Variants in CTNNA3 observed in about 807,000 individuals in gnomAD.
CTNNA3 encodes the protein catenin alpha-3.
A neutral mutation model predicts 95.7 loss-of-function variants in CTNNA3; 76 were observed. The observed-to-expected ratio is 0.79, with a 90% CI of 0.66 to 0.96. The LOEUF (loss-of-function observed/expected upper bound fraction) is 0.96, where lower values mean the gene tolerates loss of function less well. CTNNA3 is among the 40% of genes least tolerant of loss of function. The probability of loss-of-function intolerance (pLI) is 0.00; values close to 1 mark genes in which losing one functional copy is unlikely to be tolerated. For synonymous variants in CTNNA3, 431 were observed against 374.4 expected, an observed-to-expected ratio of 1.15 and a Z score of -1.74; for missense variants, 1,191 against 1,089.8, an observed-to-expected ratio of 1.09 and a Z score of -1.31.
chr10:66,903,702 G>T (rs947208984), intron 7 of CTNNA3, among the ~76,000 whole-genome samples: 5 of 152,076 alleles, frequency 3.3e-5, no homozygotes, highest in African/African-American at 1.2e-4. Flanking sequence ...AAATCAATGT[G>T]CAAAAATCAC....
chr10:66,968,926 A>G (rs1414422364), intron 7 of CTNNA3, among the ~76,000 whole-genome samples: 1 of 152,066 alleles, frequency 6.6e-6, no homozygotes, highest in African/African-American at 2.4e-5. Flanking sequence ...CTGAGGCAGG[A>G]GAATTGCTTG....
intron 13 of CTNNA3, among the ~76,000 whole-genome samples, chr10:66,278,118 G>A (rs1047537467): frequency 2.7e-5 from 4 of 149,586 alleles, no homozygotes; most frequent in Admixed American, 1.4e-4. Flanking sequence ...CATATACAGT[G>A]TAATAGGATT....
intron 7 of CTNNA3, among the ~76,000 whole-genome samples, chr10:66,921,652 G>T (rs1232118795): frequency 2.6e-5 from 4 of 152,102 alleles, no homozygotes; most frequent in Non-Finnish European, 5.9e-5. Flanking sequence ...TTCAAGGTTT[G>T]CTCAGGCCAG....
intron 9 of CTNNA3, among the ~76,000 whole-genome samples, chr10:66,744,467 A>T (rs2132707532): frequency 6.6e-6 from 1 of 152,266 alleles, no homozygotes; most frequent in Non-Finnish European, 1.5e-5. Flanking sequence ...TCAACTAGTT[A>T]ATGAGAGCAT....
chr10:66,185,543 C>G (rs1415207492), intron 13 of CTNNA3, among the ~76,000 whole-genome samples: 5 of 152,106 alleles, frequency 3.3e-5, no homozygotes, highest in African/African-American at 1.2e-4. Context: ...AGGAATCTGT[C>G]TGAAAATATC....
intron 5 of CTNNA3, among the ~76,000 whole-genome samples, chr10:67,429,716 T>C (rs1846044344): frequency 1.3e-5 from 2 of 152,128 alleles, no homozygotes; most frequent in Admixed American, 1.3e-4. Flanking sequence ...CGAGGCCTTT[T>C]TGATAAAGCA....
At chr10:66,289,253 A>G (rs1319140351) in intron 12 of CTNNA3, among the ~76,000 whole-genome samples, 1 of 151,318 alleles carries the variant, frequency 6.6e-6, no homozygotes, top group Non-Finnish European at 1.5e-5. Flanking sequence ...TTCCCATGGA[A>G]GCATAAGAGC....
At chr10:66,463,899 T>TA (rs2093546452) in intron 11 of CTNNA3, among the ~76,000 whole-genome samples, 1 of 151,802 alleles carries the variant, frequency 6.6e-6, no homozygotes, top group South Asian at 2.1e-4. Flanking sequence ...TTTTTTTTTT[T>TA]TTTACAAATA....
At position 67,584,777 on chromosome 10, in the gene CTNNA3, C is replaced by G. The variant is rs140968873; in HGVS notation, c.292+22080G>C. ...CAAGCCTCAGCAATGGCAGATGTCC[C>G]TCCCTGAGCCTCACTGTCACCTTGC... On this transcript the variant is annotated intron_variant, in intron 3 of 17. Coordinates refer to ENST00000433211, the MANE Select transcript of CTNNA3 (RefSeq NM_013266.4). Among the ~76,000 whole-genome samples the G allele has an allele frequency of 3.7e-3, 566 of 152,340 alleles. 2 individuals carry two copies. Among genetic ancestry groups the G allele is most frequent in the African/African-American group, 0.013 (545 of 41,582 alleles).
intron 11 of CTNNA3, among the ~76,000 whole-genome samples, chr10:66,472,802 A>G (rs1375373041): frequency 6.6e-6 from 1 of 152,018 alleles, no homozygotes; most frequent in Admixed American, 6.6e-5. Flanking sequence ...TTAGAAATCT[A>G]CAGTAATTCT....
In CTNNA3 at chr10:65,920,449, G is replaced by T. The variant is rs755208593; in HGVS notation, c.2569C>A (p.Pro857Thr). Residue 857 changes from proline to threonine, a missense_variant, in exon 18 of 18, where the codon CCC becomes ACC. Physicochemically the swap from Pro to Thr is conservative, Grantham distance 38 (BLOSUM62 -1). Coordinates refer to ENST00000433211, the MANE Select transcript of CTNNA3 (RefSeq NM_013266.4). ...TCTGGCTTCTCTCTTTTAATCAAGGGTTTTTTTGCAGGAGCCTTCATTCTC... is the reference window on the plus strand; with the variant it reads ...TCTGGCTTCTCTCTTTTAATCAAGGTTTTTTTTGCAGGAGCCTTCATTCTC... ...MWRMKAPAKK[P>T]LIKREKPEET... 5.0e-6 allele frequency: 8 copies of T among 1,614,012 alleles called. No individual in the cohort carries two copies. In the South Asian group the frequency reaches 8.8e-5, roughly 18 times the overall value.
chr10:66,220,666 T>C (rs1459642559), intron 13 of CTNNA3, among the ~76,000 whole-genome samples: 1 of 152,082 alleles, frequency 6.6e-6, no homozygotes, highest in Non-Finnish European at 1.5e-5. Context: ...TTATTGCCGA[T>C]GGAAGTGGCT....
chr10:66,258,643 G>C (rs1345595623), intron 13 of CTNNA3, among the ~76,000 whole-genome samples: 1 of 152,056 alleles, frequency 6.6e-6, no homozygotes, highest in Non-Finnish European at 1.5e-5. Context: ...GTGAGCCTAA[G>C]ATCTATGGCC....
At chr10:66,304,133 A>AC (rs938596435) in intron 12 of CTNNA3, among the ~76,000 whole-genome samples, 9 of 152,308 alleles carry the variant, frequency 5.9e-5, no homozygotes, top group Admixed American at 5.9e-4. Flanking sequence ...GATAGGACAA[A>AC]CATATTGGGG....
At chr10:66,150,546 ATG>A (rs1258630001) in intron 13 of CTNNA3, among the ~76,000 whole-genome samples, 4 of 151,876 alleles carry the variant, frequency 2.6e-5, no homozygotes, top group African/African-American at 9.7e-5. Context: ...TATGGGCTAC[ATG>A]TAATATTTTG....
At chr10:67,088,478 T>C (rs1037966566) in intron 7 of CTNNA3, among the ~76,000 whole-genome samples, 1 of 151,924 alleles carries the variant, frequency 6.6e-6, no homozygotes, top group Non-Finnish European at 1.5e-5. Context: ...AGATTTTTTA[T>C]TGCAAAGATA....
At chr10:67,690,951 G>A (rs1840835738) in intron 1 of CTNNA3, among the ~76,000 whole-genome samples, 1 of 152,188 alleles carries the variant, frequency 6.6e-6, no homozygotes. Flanking sequence ...AGCCGAAGCT[G>A]GACGGTACTG....
chr10:66,475,822 A>G (rs1004769534), intron 11 of CTNNA3, among the ~76,000 whole-genome samples: 2 of 151,892 alleles, frequency 1.3e-5, no homozygotes, highest in Non-Finnish European at 2.9e-5. Context: ...TCAGAGACCT[A>G]GGACAAAAAA....
intron 5 of CTNNA3, among the ~76,000 whole-genome samples, chr10:67,420,291 T>C (rs372214044): frequency 6.6e-6 from 1 of 152,254 alleles, no homozygotes; most frequent in East Asian, 1.9e-4. Context: ...TTTTTTATTA[T>C]AATTAAAATG....
Sources: gnomAD v4.1 joint callset for allele counts (sites outside exome capture counted in the v4.1 genomes callset) on GRCh38, gnomAD v4.1.1 for gene constraint, MANE v1.5 for transcripts, NCBI Gene and HGNC (gene_info 2026-07-23, HGNC 2026-07-21) for gene names.